PDE4C: variants seen among roughly 807,000 people sequenced by gnomAD.
The protein encoded by PDE4C is 3',5'-cyclic-AMP phosphodiesterase 4C.
A neutral mutation model predicts 63.9 loss-of-function variants in PDE4C; 50 were observed. The observed-to-expected ratio is 0.78, with a 90% confidence interval of 0.62 to 0.99. The LOEUF is 0.99. Ranked by LOEUF, PDE4C falls within the 50% of genes least tolerant of loss-of-function variation. PDE4C has a pLI of 0.00. For missense variants in PDE4C, 777 were observed against 899.1 expected (o/e 0.86, Z 1.74); for synonymous variants, 377 against 385.1 (o/e 0.98, Z 0.25).
In PDE4C at chr19:18,218,256, G is replaced by C. The variant is rs1169953636; in HGVS notation, c.1135-8C>G. On this transcript the variant is annotated splice_polypyrimidine_tract_variant and splice_region_variant and intron_variant, in intron 10 of 14. Transcript: ENST00000262805. ...CAAGTCTGTGAACACAGCCTGAGCA[G>C]GCAGAGGGCACAGGCGGTGAGGGGC... The C allele has an allele frequency of 6.2e-7, 1 of 1,614,130 alleles. No homozygotes were observed. Among genetic ancestry groups the C allele is most frequent in the Non-Finnish European group, 8.5e-7 (1 of 1,179,928 alleles).
At chr19:18,253,483 C>G in the PDE4C span, among the ~76,000 whole-genome samples, 8 of 151,002 alleles carry the variant, frequency 5.3e-5, no homozygotes, top group Non-Finnish European at 8.8e-5. Flanking sequence ...TCCAGGAGTT[C>G]AAGGCTGCAG....
upstream of PDE4C, among the ~76,000 whole-genome samples, chr19:18,227,345 T>C (rs1301575985): frequency 6.6e-6 from 1 of 152,082 alleles, no homozygotes; most frequent in African/African-American, 2.4e-5. Flanking sequence ...ACTCCCCACG[T>C]GATCCCCCAC....
exon 2 of PDE4C, chr19:18,222,132 A>C (rs1381665198): frequency 5.6e-6 from 9 of 1,605,142 alleles, no homozygotes; most frequent in Non-Finnish European, 7.7e-6. Context: ...CCAGACTCAC[A>C]GGTCGCTGGC....
intron 1 of PDE4C, among the ~76,000 whole-genome samples, chr19:18,247,817 C>A (rs1969157547): frequency 6.6e-6 from 1 of 152,158 alleles, no homozygotes; most frequent in Non-Finnish European, 1.5e-5. Context: ...AGCTCACTCC[C>A]ACACTCTCTG....
At chr19:18,217,055 C>T (rs964623947) in intron 11 of PDE4C, 160 bp from the exon 12 acceptor site, 2 of 732,298 alleles carry the variant, frequency 2.7e-6, no homozygotes, top group Admixed American at 6.4e-5. Flanking sequence ...TGGCGCTTCC[C>T]TGACTGCAGG....
At chr19:18,213,015 C>T (rs931889537) in intron 13 of PDE4C, among the ~76,000 whole-genome samples, 57 of 137,336 alleles carry the variant, frequency 4.2e-4, no homozygotes, top group Non-Finnish European at 7.3e-4. Flanking sequence ...TAAAACCGGC[C>T]GGGCGCGGTG....
exon 14 of PDE4C, chr19:18,211,902 G>A (rs774480987): frequency 6.2e-7 from 1 of 1,614,218 alleles, no homozygotes; most frequent in Non-Finnish European, 8.5e-7. Context: ...GGCTTGGTGG[G>A]GTTGCTCAGA....
At chr19:18,243,191 C>A (rs1191967170) in intron 1 of PDE4C, among the ~76,000 whole-genome samples, 1 of 152,054 alleles carries the variant, frequency 6.6e-6, no homozygotes, top group African/African-American at 2.4e-5. Flanking sequence ...CAACCTGCAA[C>A]CTCTGCCTCC....
intron 4 of PDE4C, 53 bp downstream of exon 4, chr19:18,221,052 G>GCCAGGCCCCCCCCCCCC: frequency 1.9e-5 from 24 of 1,245,304 alleles, no homozygotes; most frequent in Non-Finnish European, 2.7e-5. Context: ...CCCGCTTTCC[G>GCCAGGCCCCCCCCCCCC]CCCACCTTGT....
chr19:18,226,425 T>G (rs1157929988), exon 1 of PDE4C: 1 of 1,413,662 alleles, frequency 7.1e-7, no homozygotes, highest in Non-Finnish European at 9.2e-7. Flanking sequence ...TCGCCAGGAC[T>G]GCGTGGAGGC....
chr19:18,253,288 C>T, the PDE4C span, among the ~76,000 whole-genome samples: 3 of 152,188 alleles, frequency 2.0e-5, no homozygotes, highest in East Asian at 1.9e-4. Context: ...GAGGCTGAGG[C>T]GGGAGGATTG....
intron 1 of PDE4C, among the ~76,000 whole-genome samples, chr19:18,246,684 T>C (rs1362964431): frequency 6.6e-6 from 1 of 151,952 alleles, no homozygotes; most frequent in East Asian, 1.9e-4. Flanking sequence ...TCCCAGCACT[T>C]TGGGAGGCTG....
At chr19:18,225,928 C>A (rs994893776) in intron 1 of PDE4C, 2 of 221,208 alleles carry the variant, frequency 9.0e-6, no homozygotes, top group Non-Finnish European at 1.8e-5. Context: ...AGCCTGCCTG[C>A]CCCAGGCCGG....
chr19:18,211,386 T>C, intron 14 of PDE4C, 110 bp from the exon 15 acceptor site: 2 of 899,462 alleles, frequency 2.2e-6, no homozygotes, highest in South Asian at 1.8e-5. Flanking sequence ...GGAATGCCGC[T>C]TCCCAACAAC....
chr19:18,232,414 T>A (rs1269830557), intron 1 of PDE4C, among the ~76,000 whole-genome samples: 1 of 151,134 alleles, frequency 6.6e-6, no homozygotes. Flanking sequence ...TGTGTGCGTG[T>A]GTGTGTGTAT....
downstream of PDE4C, chr19:18,209,564 T>C (rs929298786): frequency 1.3e-5 from 2 of 152,036 alleles, no homozygotes; most frequent in African/African-American, 4.8e-5. Context: ...TTTTTTGTAT[T>C]TTTAGTAGAG....
chr19:18,221,049 T>TCCGCCCGGCCCCGCCCCACC (rs1968453280), intron 4 of PDE4C, 56 bp downstream of exon 4: 2 of 1,241,014 alleles, frequency 1.6e-6, no homozygotes, highest in Non-Finnish European at 2.3e-6. Flanking sequence ...CAGCCCGCTT[T>TCCGCCCGGCCCCGCCCCACC]CCGCCCACCT....
rs914049144 is a variant in PDE4C at position 18,220,074 on chromosome 19, G to T, written c.706+152C>A. On this transcript the variant is annotated intron_variant, in intron 7 of 14. Transcript: ENST00000262805. The surrounding 1 kb of genome is among the most constrained non-coding windows in gnomAD (Gnocchi z 5.1). The stretch of plus-strand genomic sequence containing the variant: ...TCCCCTGCTCCTGGAAGTTCCCCTT[G>T]TTCCTCCCTCTGATCCAGCCCTGAC... 1.0e-5 allele frequency: 7 copies of T among 682,678 alleles called. No homozygotes were observed. Among genetic ancestry groups the T allele is most frequent in the South Asian group, 1.7e-5 (1 of 57,318 alleles). The allele number at this position is 682,678 out of a possible 1,614,324, so 42.3% of individuals were successfully genotyped here.
intron 12 of PDE4C, among the ~76,000 whole-genome samples, chr19:18,214,624 A>G (rs1968109769): frequency 6.6e-6 from 1 of 151,958 alleles, no homozygotes; most frequent in Non-Finnish European, 1.5e-5. Flanking sequence ...TGTGCCCTGG[A>G]GGGCTATTTC....
Sources: allele counts gnomAD v4.1 joint callset (sites outside exome capture counted in the v4.1 genomes callset), GRCh38; gene constraint gnomAD v4.1.1; non-coding constraint Gnocchi (gnomAD v3.1); transcripts MANE v1.5; gene names NCBI Gene and HGNC (gene_info 2026-07-23, HGNC 2026-07-21).